The following HECW2 variants were observed in gnomAD, a reference collection of about 807,000 sequenced individuals.
HECW2 encodes E3 ubiquitin-protein ligase HECW2.
HECW2 carries 61 observed loss-of-function variants against 175.2 expected under a neutral mutation model. That is an observed-to-expected ratio of 0.35 (90% CI 0.28 to 0.43). The LOEUF is 0.43. Ranked by LOEUF, HECW2 falls within the 20% of genes least tolerant of loss-of-function variation. The pLI, the probability that HECW2 is intolerant of heterozygous loss-of-function variation, is 1.00. For synonymous variants in HECW2, 671 were observed against 731.0 expected (o/e 0.92, Z 1.32); for missense variants, 1,524 against 2,000.5 (o/e 0.76, Z 4.54).
chr2:196,256,941 T>C (rs898278602), intron 18 of HECW2, among the ~76,000 whole-genome samples: 5 of 152,234 alleles, frequency 3.3e-5, no homozygotes, highest in Non-Finnish European at 5.9e-5. Context: ...AACAATCACA[T>C]GGGAGGTCAG....
At chr2:196,254,946 T>C (rs1688996785) in intron 18 of HECW2, among the ~76,000 whole-genome samples, 1 of 148,962 alleles carries the variant, frequency 6.7e-6, no homozygotes, top group African/African-American at 2.5e-5. Context: ...TTAAAGGCCT[T>C]CTTTATGTAT....
chr2:196,203,113 A>T (rs75405308), intron 28 of HECW2, among the ~76,000 whole-genome samples: 6 of 152,106 alleles, frequency 3.9e-5, no homozygotes, highest in Non-Finnish European at 8.8e-5. Flanking sequence ...TTTAGATTTA[A>T]AATTTTTTGA....
chr2:196,574,606 C>T (rs1690497673), intron 1 of HECW2, among the ~76,000 whole-genome samples: 1 of 152,124 alleles, frequency 6.6e-6, no homozygotes, highest in Non-Finnish European at 1.5e-5. Context: ...CCACTCTACA[C>T]AAAATGATCT....
intron 7 of HECW2, among the ~76,000 whole-genome samples, chr2:196,321,035 GGA>G (rs1278869126): frequency 6.6e-6 from 1 of 152,240 alleles, no homozygotes; most frequent in Non-Finnish European, 1.5e-5. Context: ...TGTGTGATGG[GGA>G]GAGGACCGCT....
At chr2:196,584,120 A>G (rs1391081129) in intron 1 of HECW2, among the ~76,000 whole-genome samples, 1 of 152,202 alleles carries the variant, frequency 6.6e-6, no homozygotes, top group Non-Finnish European at 1.5e-5. Flanking sequence ...ATGAGGTGGG[A>G]AAAATGACAA....
chr2:196,530,947 C>T (rs1027462868), intron 1 of HECW2, among the ~76,000 whole-genome samples: 5 of 152,164 alleles, frequency 3.3e-5, no homozygotes, highest in African/African-American at 1.2e-4. Context: ...CACATGTTCC[C>T]TCTAGAACTC....
At chr2:196,267,840 T>G (rs2105952410) in intron 17 of HECW2, among the ~76,000 whole-genome samples, 1 of 152,324 alleles carries the variant, frequency 6.6e-6, no homozygotes, top group East Asian at 1.9e-4. Flanking sequence ...CTTTTATCAT[T>G]ATATTATGGG....
At chr2:196,503,742 C>G (rs1230623979) in intron 1 of HECW2, among the ~76,000 whole-genome samples, 1 of 152,212 alleles carries the variant, frequency 6.6e-6, no homozygotes, top group Non-Finnish European at 1.5e-5. Flanking sequence ...TATTAAGATT[C>G]TGCTCAAGGC....
chr2:196,332,132 A>C (rs969532736), intron 4 of HECW2, among the ~76,000 whole-genome samples: 4 of 147,448 alleles, frequency 2.7e-5, no homozygotes, highest in African/African-American at 1.0e-4. Context: ...TCGCAATAGG[A>C]TACGTGAGAA....
chr2:196,376,705 G>A (rs1433796916), intron 2 of HECW2, among the ~76,000 whole-genome samples: 1 of 151,136 alleles, frequency 6.6e-6, no homozygotes, highest in Non-Finnish European at 1.5e-5. Flanking sequence ...GGCTGAAGCA[G>A]GCGGATCAAC....
intron 15 of HECW2, among the ~76,000 whole-genome samples, chr2:196,274,734 TG>T (rs935461670): frequency 6.6e-6 from 1 of 152,194 alleles, no homozygotes; most frequent in Non-Finnish European, 1.5e-5. Context: ...GGAGCAGGTG[TG>T]GAGGAGCTAA....
intron 2 of HECW2, among the ~76,000 whole-genome samples, chr2:196,398,140 GGA>G (rs1021625642): frequency 7.8e-5 from 2 of 25,506 alleles, no homozygotes; most frequent in African/African-American, 1.3e-4. Context: ...GGGAGTTAGG[GGA>G]AAATGGCCTG....
At chr2:196,477,888 C>T (rs1326855876) in intron 1 of HECW2, among the ~76,000 whole-genome samples, 3 of 152,062 alleles carry the variant, frequency 2.0e-5, no homozygotes, top group Non-Finnish European at 4.4e-5. Context: ...CCCGTCTCTA[C>T]TGAAAATACA....
chr2:196,471,175 T>G lies in HECW2; in HGVS notation c.-35-37717A>C, dbSNP rs572874710. Among the ~76,000 whole-genome samples the G allele has an allele frequency of 1.5e-4, 23 of 152,278 alleles. 1 individual carries two copies. The East Asian group carries it at 4.0e-3, about 27-fold the overall frequency. The stretch of plus-strand genomic sequence containing the variant: ...ATATTCTAAGAAAACATCAACAAAT[T>G]TTTATTTTTAAAATCCCTAGCAGGA... On this transcript the variant is annotated intron_variant, in intron 1 of 28. Transcript: ENST00000644978.
Position 196,220,140 on chromosome 2 carries a change from C to G in HECW2, c.4307G>C (p.Arg1436Thr). 6.2e-7 allele frequency: 1 copy of G among 1,611,298 alleles called. No homozygotes were observed. The highest frequency in any genetic ancestry group is 1.1e-5 in the South Asian group (1 of 91,034). ...VRGFYEVVDA[R>T]LVSVFDAREL... is the part of the protein sequence containing the mutation. ...TCTTGCATCAAAAACAGATACCAGC[C>G]TGGCATCCACCACCTGTGGAATAAA... Residue 1436 changes from arginine (R) to threonine (T), a missense_variant, in exon 26 of 29, where the codon AGG becomes ACG. This residue lies in a region of HECW2 where 134 missense variants were observed against 287.8 expected (regional missense o/e 0.47). Transcript: ENST00000644978.
chr2:196,482,289 G>A (rs542377908), intron 1 of HECW2, among the ~76,000 whole-genome samples: 3 of 152,184 alleles, frequency 2.0e-5, no homozygotes, highest in Non-Finnish European at 4.4e-5. Context: ...GCAAGTTATT[G>A]GACTGACGGT....
intron 1 of HECW2, among the ~76,000 whole-genome samples, chr2:196,474,406 A>G (rs1285750709): frequency 6.6e-6 from 1 of 152,240 alleles, no homozygotes. Context: ...GATACCACAA[A>G]TATCATTAGT....
At chr2:196,583,274 C>T (rs982194326) in intron 1 of HECW2, among the ~76,000 whole-genome samples, 19 of 152,166 alleles carry the variant, frequency 1.2e-4, no homozygotes, top group African/African-American at 4.3e-4. Context: ...TATGAAGTAG[C>T]AAAATTCCAG....
rs539749115 is a variant in HECW2, at chr2:196,539,729, T to C, written c.-36+53779A>G. 2.6e-5 allele frequency among the ~76,000 whole-genome samples: 4 copies of C among 152,362 alleles called. No homozygotes were observed. In the South Asian group the frequency reaches 8.3e-4, roughly 32 times the overall value. Reference sequence around the variant, plus strand: ...TGGAAGGGCTTGAACTTGCCTTAAATCTTCCTCAATCAAGTAAGTATTTTG... The same window carrying C: ...TGGAAGGGCTTGAACTTGCCTTAAACCTTCCTCAATCAAGTAAGTATTTTG... On this transcript the variant is annotated intron_variant, in intron 1 of 28. Coordinates refer to ENST00000644978, the MANE Select transcript of HECW2 (RefSeq NM_001348768.2).
Sources: allele counts gnomAD v4.1 joint callset (sites outside exome capture counted in the v4.1 genomes callset), GRCh38; gene constraint gnomAD v4.1.1; regional missense constraint gnomAD v4.1.1; transcripts MANE v1.5; gene names NCBI Gene and HGNC (gene_info 2026-07-23, HGNC 2026-07-21).